Variants in APP observed in about 807,000 individuals in gnomAD.
The protein encoded by APP is amyloid beta precursor protein.
APP carries 31 observed loss-of-function variants against 101.4 expected under a neutral mutation model. The observed-to-expected ratio is 0.31, with a 90% CI of 0.23 to 0.41. APP has a LOEUF of 0.41. APP is among the 10% of genes least tolerant of loss of function. The pLI is 1.00. For synonymous variants in APP, 366 were observed against 364.4 expected (o/e 1.00, Z -0.05); for missense variants, 839 against 1,003.7 (o/e 0.84, Z 2.22).
At chr21:26,167,849 A>T (rs1395133510) in intron 1 of APP, among the ~76,000 whole-genome samples, 1 of 152,170 alleles carries the variant, frequency 6.6e-6, no homozygotes, top group East Asian at 1.9e-4. Flanking sequence ...GTGACAAGAG[A>T]AAAGCTTCTG....
rs1449531350 is a variant in APP, at chr21:26,011,066, CTT to C, written c.865+10772_865+10773del. Among the ~76,000 whole-genome samples the C allele has an allele frequency of 1.7e-4, 26 of 149,936 alleles. No homozygotes were observed. The East Asian group carries it at 5.1e-3, about 29-fold the overall frequency. On this transcript the variant is annotated intron_variant, in intron 6 of 17. Transcript: ENST00000346798. ...TATTGCACGGGTATTTCTCTGTTCA[CTT>C]TTTTATTTTTATTTATTTATTTTTG...
chr21:25,996,351 G>A (rs773821976), intron 8 of APP, among the ~76,000 whole-genome samples: 1 of 152,048 alleles, frequency 6.6e-6, no homozygotes, highest in African/African-American at 2.4e-5. Context: ...AGTTGAAACC[G>A]GGTCTTATAA....
intron 6 of APP, among the ~76,000 whole-genome samples, chr21:26,010,231 A>T (rs2043733349): frequency 6.6e-6 from 1 of 152,030 alleles, no homozygotes; most frequent in African/African-American, 2.4e-5. Context: ...AAAAAAAACA[A>T]AACAAAACTA....
intron 1 of APP, among the ~76,000 whole-genome samples, chr21:26,163,118 G>C (rs2063529037): frequency 6.7e-6 from 1 of 149,990 alleles, no homozygotes; most frequent in Non-Finnish European, 1.5e-5. Flanking sequence ...GCACATGCCT[G>C]TAAACCCAGC....
chr21:26,131,659 T>C (rs1197583250), intron 1 of APP, among the ~76,000 whole-genome samples: 1 of 152,226 alleles, frequency 6.6e-6, no homozygotes, highest in East Asian at 1.9e-4. Context: ...CTCTGAACGA[T>C]AAAGCCAAAC....
At chr21:25,960,567 A>G (rs987607428) in intron 11 of APP, among the ~76,000 whole-genome samples, 2 of 152,202 alleles carry the variant, frequency 1.3e-5, no homozygotes, top group South Asian at 4.1e-4. Flanking sequence ...GTACGGAAAC[A>G]GCTGTTACGG....
intron 5 of APP, among the ~76,000 whole-genome samples, chr21:26,045,453 T>C (rs932072147): frequency 6.6e-6 from 1 of 152,156 alleles, no homozygotes; most frequent in Non-Finnish European, 1.5e-5. Context: ...ACTGGGAAAA[T>C]ACAGAATAAA....
At chr21:26,126,068 G>C (rs2062676399) in intron 1 of APP, among the ~76,000 whole-genome samples, 1 of 152,178 alleles carries the variant, frequency 6.6e-6, no homozygotes, top group African/African-American at 2.4e-5. Flanking sequence ...ATTGCACTGT[G>C]TGGGAAAGAT....
chr21:25,927,354 A>C (rs1445114951), intron 13 of APP, among the ~76,000 whole-genome samples: 1 of 152,114 alleles, frequency 6.6e-6, no homozygotes, highest in Non-Finnish European at 1.5e-5. Context: ...AAGTTTCACC[A>C]ACTCTAAGTC....
intron 17 of APP, among the ~76,000 whole-genome samples, chr21:25,887,728 C>A (rs1335839775): frequency 2.0e-5 from 3 of 152,106 alleles, no homozygotes; most frequent in Admixed American, 6.5e-5. Context: ...TGTGTTACAA[C>A]TGTCTATAGT....
At chr21:25,980,538 G>A (rs934479995) in intron 9 of APP, among the ~76,000 whole-genome samples, 2 of 152,084 alleles carry the variant, frequency 1.3e-5, no homozygotes, top group Non-Finnish European at 2.9e-5. Flanking sequence ...GGTTTTCATC[G>A]TGGGCAGCCA....
chr21:26,124,364 A>G (rs1020097641), intron 1 of APP, among the ~76,000 whole-genome samples: 6 of 152,226 alleles, frequency 3.9e-5, no homozygotes, highest in African/African-American at 1.4e-4. Context: ...GGCTCCTCCT[A>G]GAAAACAAGA....
At chr21:25,926,411 T>C (rs1365302907) in intron 13 of APP, among the ~76,000 whole-genome samples, 2 of 152,182 alleles carry the variant, frequency 1.3e-5, no homozygotes, top group African/African-American at 2.4e-5. Context: ...GATTAGCATA[T>C]ATGCTACAGC....
chr21:25,924,543 A>G (rs112990721), intron 13 of APP, among the ~76,000 whole-genome samples: 5,791 of 151,444 alleles, frequency 0.038, 377 homozygotes, highest in African/African-American at 0.13. Context: ...GTTCTCACTC[A>G]TAAGTGGGAG....
intron 3 of APP, among the ~76,000 whole-genome samples, chr21:26,086,779 G>C (rs1463263168): frequency 6.6e-6 from 1 of 152,190 alleles, no homozygotes; most frequent in Non-Finnish European, 1.5e-5. Context: ...ATAGCTGTGA[G>C]TTTCTTTTTT....
intron 2 of APP, among the ~76,000 whole-genome samples, chr21:26,092,716 T>C (rs370816043): frequency 3.9e-5 from 6 of 152,156 alleles, no homozygotes; most frequent in African/African-American, 1.4e-4. Flanking sequence ...GGTTCATCGA[T>C]TGTAACAAAT....
intron 16 of APP, among the ~76,000 whole-genome samples, chr21:25,892,852 T>C (rs1343600985): frequency 6.6e-6 from 1 of 151,994 alleles, no homozygotes. Flanking sequence ...CCAGATGAAG[T>C]AAAACTAAAG....
At chr21:26,024,101 G>T (rs1368163708) in intron 5 of APP, among the ~76,000 whole-genome samples, 1 of 152,150 alleles carries the variant, frequency 6.6e-6, no homozygotes, top group Non-Finnish European at 1.5e-5. Context: ...GACAGCATTT[G>T]AATATCTAAT....
intron 2 of APP, among the ~76,000 whole-genome samples, chr21:26,109,963 A>G (rs1433467366): frequency 1.3e-5 from 2 of 152,260 alleles, no homozygotes; most frequent in African/African-American, 2.4e-5. Context: ...TCAAAAACAT[A>G]TAAGTATGCA....
Sources: gnomAD v4.1 joint callset for allele counts (sites outside exome capture counted in the v4.1 genomes callset) on GRCh38, gnomAD v4.1.1 for gene constraint, MANE v1.5 for transcripts, NCBI Gene and HGNC (gene_info 2026-07-23, HGNC 2026-07-21) for gene names.